JARID2: variants seen among roughly 807,000 people sequenced by gnomAD.
The protein encoded by JARID2 is jumonji and AT-rich interaction domain containing 2, also known as protein Jumonji.
JARID2 carries 21 observed loss-of-function variants against 125.6 expected under a neutral mutation model. That is an observed-to-expected ratio of 0.17 (90% confidence interval 0.12 to 0.24). JARID2 has a LOEUF of 0.24. Ranked by LOEUF, JARID2 falls within the 10% of genes least tolerant of loss-of-function variation. The pLI is 1.00. For synonymous variants in JARID2, 736 were observed against 661.6 expected (o/e 1.11, Z -1.73); for missense variants, 1,303 against 1,639.6 (o/e 0.79, Z 3.55).
intron 2 of JARID2, among the ~76,000 whole-genome samples, chr6:15,408,235 G>C (rs1039600737): frequency 1.3e-5 from 2 of 152,142 alleles, no homozygotes; most frequent in African/African-American, 2.4e-5. Flanking sequence ...CTGGGCAACA[G>C]AGCGAGACCC....
intron 1 of JARID2, among the ~76,000 whole-genome samples, chr6:15,300,716 T>TGAGAGAGAGAGAGA (rs1561779548): frequency 6.4e-5 from 9 of 139,636 alleles, no homozygotes; most frequent in Admixed American, 3.5e-4. Flanking sequence ...TGTGTGTGTG[T>TGAGAGAGAGAGAGA]GTGTGTGAGA....
chr6:15,436,323 C>A (rs1767199201), intron 3 of JARID2, among the ~76,000 whole-genome samples: 1 of 152,134 alleles, frequency 6.6e-6, no homozygotes, highest in South Asian at 2.1e-4. Flanking sequence ...GATGGTTTTC[C>A]CCTGGAGGCG....
At chr6:15,248,500 C>CG (rs1759286584) in intron 1 of JARID2, 1 of 145,958 alleles carries the variant, frequency 6.9e-6, no homozygotes. Flanking sequence ...CTGCAGCGGG[C>CG]GCCCCCCACC....
chr6:15,432,427 C>T (rs933843680), intron 3 of JARID2, among the ~76,000 whole-genome samples: 3 of 148,042 alleles, frequency 2.0e-5, no homozygotes, highest in African/African-American at 7.5e-5. Flanking sequence ...CTCTGTCATC[C>T]TCCAGCTACT....
chr6:15,364,924 A>G (rs1404975297), intron 1 of JARID2, among the ~76,000 whole-genome samples: 1 of 152,210 alleles, frequency 6.6e-6, no homozygotes, highest in African/African-American at 2.4e-5. Flanking sequence ...AGTTAATTAT[A>G]AGTACTTACA....
At chr6:15,396,173 C>T (rs938472904) in intron 2 of JARID2, among the ~76,000 whole-genome samples, 4 of 152,290 alleles carry the variant, frequency 2.6e-5, no homozygotes, top group Admixed American at 2.6e-4. Context: ...ATGTTAAGTA[C>T]ATTTTATTAT....
At chr6:15,299,567 T>C (rs1761531061) in intron 1 of JARID2, among the ~76,000 whole-genome samples, 1 of 152,204 alleles carries the variant, frequency 6.6e-6, no homozygotes. Flanking sequence ...TCAGTTGGCC[T>C]GCGTTGAGAA....
At position 15,474,530 on chromosome 6, in the gene JARID2, G is replaced by A. The variant is rs554238925; in HGVS notation, c.670+5812G>A. 4.7e-5 allele frequency among the ~76,000 whole-genome samples: 7 copies of A among 149,038 alleles called. No homozygotes were observed. In the East Asian group the frequency reaches 1.4e-3, roughly 29 times the overall value. ...GGCAAGGTATTTACTTAGCTTCTCT[G>A]ATTCTTAATTTCTACTTCTGTGAAA... On this transcript the variant is annotated intron_variant, in intron 5 of 17. Coordinates refer to ENST00000341776, the MANE Select transcript of JARID2 (RefSeq NM_004973.4).
At chr6:15,511,873 C>T (rs1404200008) in intron 13 of JARID2, among the ~76,000 whole-genome samples, 1 of 152,164 alleles carries the variant, frequency 6.6e-6, no homozygotes, top group African/African-American at 2.4e-5. Flanking sequence ...GTAAGCCCAG[C>T]CTGTGGGCCT....
intron 4 of JARID2, among the ~76,000 whole-genome samples, chr6:15,456,536 T>C (rs1216548049): frequency 1.3e-5 from 2 of 152,168 alleles, no homozygotes; most frequent in Non-Finnish European, 2.9e-5. Context: ...ATTTCTTTTA[T>C]ACTTTTTTTA....
Position 15,452,055 on chromosome 6 carries a change from C to G in JARID2, c.373C>G (p.Pro125Ala). 6.2e-7 allele frequency: 1 copy of G among 1,614,114 alleles called. No individual in the cohort carries two copies. Among genetic ancestry groups the G allele is most frequent in the Non-Finnish European group, 8.5e-7 (1 of 1,180,006 alleles). Residue 125 changes from proline (P) to alanine (A), a missense_variant, in exon 4 of 18, where the codon CCC becomes GCC. Transcript: ENST00000341776. ...GTTTGCTCAGTCTCAGCCGAATAGT[C>G]CCAGCACAACTCCAGTAAAGATAGT... ...RKFAQSQPNS[P>A]STTPVKIVEP...
At chr6:15,250,585 A>G (rs1385761101) in intron 1 of JARID2, among the ~76,000 whole-genome samples, 1 of 152,242 alleles carries the variant, frequency 6.6e-6, no homozygotes, top group African/African-American at 2.4e-5. Flanking sequence ...AAGTGTCACT[A>G]AAATTTGAAA....
intron 1 of JARID2, among the ~76,000 whole-genome samples, chr6:15,361,791 A>G (rs978691834): frequency 1.3e-4 from 20 of 152,172 alleles, no homozygotes; most frequent in Non-Finnish European, 2.9e-4. Flanking sequence ...TGCACGGACC[A>G]AAGAAGAGGT....
chr6:15,430,993 C>G (rs1309869971), intron 3 of JARID2, among the ~76,000 whole-genome samples: 1 of 152,176 alleles, frequency 6.6e-6, no homozygotes, highest in African/African-American at 2.4e-5. Context: ...ACTGTGACAG[C>G]CTGTAGACTA....
At chr6:15,452,970 C>T (rs924342532) in intron 4 of JARID2, among the ~76,000 whole-genome samples, 9 of 152,132 alleles carry the variant, frequency 5.9e-5, no homozygotes, top group Non-Finnish European at 4.4e-5. Context: ...GTGGGAAAAC[C>T]TTGAGGTTCA....
At chr6:15,260,189 A>T (rs1759816920) in intron 1 of JARID2, among the ~76,000 whole-genome samples, 1 of 152,064 alleles carries the variant, frequency 6.6e-6, no homozygotes, top group African/African-American at 2.4e-5. Flanking sequence ...ACTTTTTTCC[A>T]CAGTGCAGGG....
chr6:15,279,798 A>G (rs557685589), intron 1 of JARID2, among the ~76,000 whole-genome samples: 1 of 152,330 alleles, frequency 6.6e-6, no homozygotes, highest in South Asian at 2.1e-4. Flanking sequence ...CCTATCGTCT[A>G]TGGGATAAAA....
chr6:15,394,455 C>A (rs1765142739), intron 2 of JARID2, among the ~76,000 whole-genome samples: 1 of 152,090 alleles, frequency 6.6e-6, no homozygotes, highest in Admixed American at 6.6e-5. Context: ...AAAAAATTAG[C>A]TGGGTGTGGT....
chr6:15,401,557 T>G (rs1398403425), intron 2 of JARID2, among the ~76,000 whole-genome samples: 1 of 152,206 alleles, frequency 6.6e-6, no homozygotes, highest in Non-Finnish European at 1.5e-5. Context: ...ATTAATCCTT[T>G]CTTTTTCTTC....
Sources: allele counts gnomAD v4.1 joint callset (sites outside exome capture counted in the v4.1 genomes callset), GRCh38; gene constraint gnomAD v4.1.1; transcripts MANE v1.5; gene names NCBI Gene and HGNC (gene_info 2026-07-23, HGNC 2026-07-21).